The following GK5 variants were observed in gnomAD, a reference collection of about 807,000 sequenced individuals.
GK5 encodes the protein ATP:glycerol 3-phosphotransferase 5.
GK5 carries 39 observed loss-of-function variants against 77.3 expected under a neutral mutation model. The ratio of observed to expected loss-of-function variants is 0.50; its 90% CI spans 0.39 to 0.66. The LOEUF (loss-of-function observed/expected upper bound fraction) is 0.66. Ranked by LOEUF, GK5 falls within the 30% of genes least tolerant of loss-of-function variation. The probability of loss-of-function intolerance (pLI) is 0.00; values close to 1 mark genes in which losing one functional copy is unlikely to be tolerated. For missense variants in GK5, 487 were observed against 633.8 expected (o/e 0.77, Z 2.49); for synonymous variants, 211 against 208.0 (o/e 1.01, Z -0.13).
intron 5 of GK5, among the ~76,000 whole-genome samples, chr3:142,197,679 T>C (rs555620738): frequency 3.3e-5 from 5 of 152,224 alleles, no homozygotes; most frequent in Non-Finnish European, 7.3e-5. Context: ...ACTGATACTG[T>C]GTAAATTGTT....
At position 142,223,745 on chromosome 3, in the gene GK5, G is replaced by A. The variant is rs562276900; in HGVS notation, c.147+1564C>T. ...CCCAGCTACTCAGGAGGCTGAGGCA[G>A]GAGACTTGCTTGAACCTAGGAGGCA... On this transcript the variant is annotated intron_variant, in intron 1 of 15. Transcript: ENST00000392993. Among the ~76,000 whole-genome samples the A allele has an allele frequency of 6.6e-5, 10 of 152,360 alleles. No homozygotes were observed. The South Asian group carries it at 1.9e-3, about 28-fold the overall frequency.
chr3:142,225,283 G>A, intron 1 of GK5, 26 bp downstream of exon 1: 1 of 1,516,582 alleles, frequency 6.6e-7, no homozygotes. Context: ...AGTCAGACCC[G>A]CGCCCCACGC....
intron 12 of GK5, among the ~76,000 whole-genome samples, chr3:142,176,817 A>G (rs1462074812): frequency 2.6e-5 from 4 of 151,878 alleles, no homozygotes; most frequent in African/African-American, 4.8e-5. Flanking sequence ...ACGTGCCACT[A>G]TGCATGGCTA....
chr3:142,198,704 A>C, intron 5 of GK5, 98 bp downstream of exon 5: 2 of 1,072,036 alleles, frequency 1.9e-6, no homozygotes, highest in Non-Finnish European at 2.6e-6. Context: ...CAAATAATCA[A>C]ATTACTATCT....
chr3:142,197,575 C>T (rs1208375045), intron 5 of GK5, among the ~76,000 whole-genome samples: 5 of 152,138 alleles, frequency 3.3e-5, no homozygotes, highest in African/African-American at 1.2e-4. Flanking sequence ...TCTAAAATCA[C>T]ACTCAGATAT....
intron 14 of GK5, among the ~76,000 whole-genome samples, chr3:142,170,871 T>A (rs2063527484): frequency 6.6e-6 from 1 of 152,172 alleles, no homozygotes; most frequent in Non-Finnish European, 1.5e-5. Context: ...AAATTTGATA[T>A]TGTATTATAT....
chr3:142,222,179 C>T (rs981497499), intron 1 of GK5, among the ~76,000 whole-genome samples: 1 of 152,220 alleles, frequency 6.6e-6, no homozygotes, highest in African/African-American at 2.4e-5. Context: ...AAACCAGGTA[C>T]TAAGCAGCAA....
intron 12 of GK5, 36 bp from the exon 13 acceptor site, chr3:142,172,492 T>C: frequency 8.5e-7 from 1 of 1,176,178 alleles, no homozygotes; most frequent in Non-Finnish European, 1.2e-6. Context: ...ATTATTATTA[T>C]TCTAAATTAC....
intron 9 of GK5, 97 bp downstream of exon 9, chr3:142,185,832 A>G (rs754365263): frequency 1.3e-6 from 2 of 1,556,418 alleles, no homozygotes; most frequent in Non-Finnish European, 1.7e-6. Flanking sequence ...TTACTCTGCC[A>G]AAGACCTTCT....
At position 142,171,410 on chromosome 3, in the gene GK5, T is replaced by C. The variant is rs1210896619; in HGVS notation, c.1307+9A>G. The C allele has an allele frequency of 9.5e-6, 14 of 1,478,562 alleles. No individual in the cohort carries two copies. Among genetic ancestry groups the C allele is most frequent in the African/African-American group, 1.4e-5 (1 of 70,864 alleles). 91.6% of individuals were successfully genotyped at this position (1,478,562 alleles called of 1,614,324 possible). A position where few individuals can be genotyped will look rare whatever the true frequency, so the allele number is the denominator to read the frequency against. ...CTAATTAAGTCTATTAGAAATAAACTTTACATACCGGATTTTTCTTACAGG... is the reference window on the plus strand; with the variant it reads ...CTAATTAAGTCTATTAGAAATAAACCTTACATACCGGATTTTTCTTACAGG... On this transcript the variant is annotated intron_variant, in intron 14 of 15. Coordinates refer to ENST00000392993, the MANE Select transcript of GK5 (RefSeq NM_001039547.3).
chr3:142,197,237 C>T (rs938190383), intron 5 of GK5, among the ~76,000 whole-genome samples: 2 of 151,968 alleles, frequency 1.3e-5, no homozygotes, highest in African/African-American at 4.8e-5. Context: ...CTCCAACTAT[C>T]ACTGCTCAAC....
At position 142,185,974 on chromosome 3, in the gene GK5, T is replaced by G. The variant is rs1447507412; in HGVS notation, c.771A>C (p.Ser257=). The G allele has an allele frequency of 1.4e-5, 23 of 1,607,640 alleles. No individual in the cohort carries two copies. The highest frequency in any genetic ancestry group is 2.0e-5 in the Non-Finnish European group (23 of 1,176,642). ...PVRDTSHNFG[S]VDEEIFGVPI... ...GCACACCAAATATCTCTTCATCCAC[T>G]GATCCAAAATTGTGGCTTCAAATAA... Residue 257 remains serine (S), a synonymous_variant, in exon 9 of 16, where the codon TCA becomes TCC. Coordinates refer to ENST00000392993, the MANE Select transcript of GK5 (RefSeq NM_001039547.3).
At chr3:142,208,214 C>T (rs1434703721) in intron 3 of GK5, among the ~76,000 whole-genome samples, 11 of 152,226 alleles carry the variant, frequency 7.2e-5, no homozygotes, top group South Asian at 4.1e-4. Context: ...AATTTTTCTA[C>T]TTTGGAGAGT....
chr3:142,177,566 T>C lies in GK5; in HGVS notation c.1059A>G (p.Thr353=). 6.2e-7 allele frequency: 1 copy of C among 1,607,010 alleles called. No homozygotes were observed. Residue 353 remains threonine, a synonymous_variant, in exon 12 of 16, where the codon ACA becomes ACG. Transcript: ENST00000392993. The part of the protein sequence containing the change: ...IKWAQQLDLF[T]DAAETEKMAK... Reference sequence around the variant, plus strand: ...CCATTTTTTCAGTCTCAGCAGCATCTGTGAAAAGGTCTGCAAAAACAAACA... The same window carrying C: ...CCATTTTTTCAGTCTCAGCAGCATCCGTGAAAAGGTCTGCAAAAACAAACA...
At chr3:142,217,940 T>C (rs368212725) in intron 1 of GK5, among the ~76,000 whole-genome samples, 1 of 151,472 alleles carries the variant, frequency 6.6e-6, no homozygotes, top group East Asian at 1.9e-4. Flanking sequence ...GCAAAAAAAC[T>C]AAAATAGCCA....
At chr3:142,197,982 A>G (rs1379232557) in intron 5 of GK5, among the ~76,000 whole-genome samples, 1 of 151,238 alleles carries the variant, frequency 6.6e-6, no homozygotes, top group African/African-American at 2.4e-5. Context: ...GAGATCGCAC[A>G]TTGCACTCCA....
At chr3:142,222,738 G>C (rs1309043739) in intron 1 of GK5, among the ~76,000 whole-genome samples, 3 of 152,104 alleles carry the variant, frequency 2.0e-5, no homozygotes, top group East Asian at 1.9e-4. Flanking sequence ...AGGCCACCTG[G>C]GGGACAGAGT....
At chr3:142,191,450 G>T (rs2063849327) in intron 5 of GK5, among the ~76,000 whole-genome samples, 2 of 152,034 alleles carry the variant, frequency 1.3e-5, no homozygotes, top group Non-Finnish European at 2.9e-5. Context: ...CACACCTGTA[G>T]CCCAGCACTT....
At chr3:142,178,867 AC>A (rs2063657049) in intron 11 of GK5, among the ~76,000 whole-genome samples, 1 of 152,240 alleles carries the variant, frequency 6.6e-6, no homozygotes, top group Non-Finnish European at 1.5e-5. Context: ...AAGTGGCTCT[AC>A]CAATTTAAGG....
Sources: gnomAD v4.1 joint callset for allele counts (sites outside exome capture counted in the v4.1 genomes callset) on GRCh38, gnomAD v4.1.1 for gene constraint, MANE v1.5 for transcripts, NCBI Gene and HGNC (gene_info 2026-07-23, HGNC 2026-07-21) for gene names.